Variants in UTP4 observed in about 807,000 individuals in gnomAD.
UTP4 encodes the protein U3 small nucleolar RNA-associated protein 4 homolog.
Under a neutral mutation model 82.4 loss-of-function variants are expected in UTP4, and 45 were observed. That is an observed-to-expected ratio of 0.55 (90% CI 0.43 to 0.70). The LOEUF (loss-of-function observed/expected upper bound fraction) is 0.70, where lower values mean the gene tolerates loss of function less well. Among genes scored for constraint, UTP4 ranks in the 30% least tolerant of loss-of-function variants. The pLI, the probability that UTP4 is intolerant of heterozygous loss-of-function variation, is 0.00. For synonymous variants in UTP4, 348 were observed against 300.3 expected, an observed-to-expected ratio of 1.16 and a Z score of -1.64; for missense variants, 819 against 858.3, an observed-to-expected ratio of 0.95 and a Z score of 0.57.
At chr16:69,162,766 G>A (rs1963597057) in intron 13 of UTP4, among the ~76,000 whole-genome samples, 1 of 151,286 alleles carries the variant, frequency 6.6e-6, no homozygotes, top group Non-Finnish European at 1.5e-5. Context: ...GTAGGCGCCT[G>A]TAATCCCAGC....
intron 5 of UTP4, among the ~76,000 whole-genome samples, chr16:69,141,005 AT>A (rs1290188635): frequency 6.6e-6 from 1 of 152,064 alleles, no homozygotes; most frequent in African/African-American, 2.4e-5. Flanking sequence ...CACATAGTAA[AT>A]TTTCTTTCTT....
chr16:69,159,195 G>C (rs1963502081), intron 12 of UTP4, among the ~76,000 whole-genome samples: 1 of 151,984 alleles, frequency 6.6e-6, no homozygotes, highest in African/African-American at 2.4e-5. Context: ...TCCTGCCTCA[G>C]CCTCCCTAGT....
At chr16:69,135,307 A>G (rs1597131642) in intron 2 of UTP4, among the ~76,000 whole-genome samples, 1 of 151,976 alleles carries the variant, frequency 6.6e-6, no homozygotes, top group East Asian at 1.9e-4. Context: ...TTTATTCTTC[A>G]ACAATTAATT....
Position 69,165,451 on chromosome 16 carries a change from C to G in UTP4, c.1758C>G (p.Ile586Met). The G allele has an allele frequency of 6.2e-7, 1 of 1,614,002 alleles. No individual in the cohort carries two copies. The highest frequency in any genetic ancestry group is 8.5e-7 in the Non-Finnish European group (1 of 1,179,906). ...WLQRDTPITH[I>M]SFHPKRPMHI... ...AAAGGGATACTCCTATCACACACAT[C>G]AGTTTTCATCCCAAGAGACCGATGC... The change falls in exon 15 of 17, where the codon ATC becomes ATG. Residue 586 changes from isoleucine to methionine, a missense_variant. Physicochemically the swap from Ile to Met is conservative, Grantham distance 10. Transcript: ENST00000314423.
At chr16:69,165,061 C>T (rs1036115798) in intron 14 of UTP4, among the ~76,000 whole-genome samples, 12 of 151,786 alleles carry the variant, frequency 7.9e-5, no homozygotes, top group African/African-American at 2.7e-4. Context: ...CGGGCGTACT[C>T]GTGGGCGCCT....
At chr16:69,145,858 A>G (rs1296461844) in intron 6 of UTP4, among the ~76,000 whole-genome samples, 1 of 152,142 alleles carries the variant, frequency 6.6e-6, no homozygotes, top group Non-Finnish European at 1.5e-5. Context: ...TCATGGCTTT[A>G]AACCCTTTGG....
chr16:69,143,575 A>G (rs1963027242), intron 6 of UTP4, among the ~76,000 whole-genome samples, 186 bp downstream of exon 6: 1 of 152,188 alleles, frequency 6.6e-6, no homozygotes, highest in South Asian at 2.1e-4. Context: ...TGGTTAGAGA[A>G]TACAGGATAC....
intron 5 of UTP4, among the ~76,000 whole-genome samples, chr16:69,140,329 G>A (rs914272752): frequency 6.6e-6 from 1 of 152,134 alleles, no homozygotes; most frequent in African/African-American, 2.4e-5. Context: ...TCTGTTCTTG[G>A]CCTGGAAAAT....
chr16:69,138,411 T>C (rs868768325), intron 4 of UTP4, among the ~76,000 whole-genome samples: 28 of 152,086 alleles, frequency 1.8e-4, no homozygotes, highest in Admixed American at 9.8e-4. Flanking sequence ...CTAATTTTCG[T>C]ATTTTTAGTA....
intron 3 of UTP4, 130 bp from the exon 4 acceptor site, chr16:69,137,671 C>CTTTTTTCTTA: frequency 3.0e-6 from 2 of 659,810 alleles, no homozygotes; most frequent in Admixed American, 2.7e-5. Flanking sequence ...TTTTCTTTTT[C>CTTTTTTCTTA]ACGGCAACTG....
chr16:69,160,124 A>C (rs1963525794), intron 12 of UTP4, among the ~76,000 whole-genome samples: 1 of 152,250 alleles, frequency 6.6e-6, no homozygotes, highest in African/African-American at 2.4e-5. Flanking sequence ...CTGAGGAAGT[A>C]ATAACTTCTG....
chr16:69,158,038 A>C (rs1963465937), intron 12 of UTP4, among the ~76,000 whole-genome samples: 1 of 151,478 alleles, frequency 6.6e-6, no homozygotes. Context: ...ACTTGGACTC[A>C]GTTTCCAGAT....
chr16:69,145,492 A>G (rs111839859), intron 6 of UTP4, among the ~76,000 whole-genome samples: 3 of 151,868 alleles, frequency 2.0e-5, no homozygotes, highest in African/African-American at 7.2e-5. Flanking sequence ...ACCTCAGGTG[A>G]TCCACCAGCC....
chr16:69,138,614 G>A (rs1962874519), intron 4 of UTP4, among the ~76,000 whole-genome samples: 1 of 152,166 alleles, frequency 6.6e-6, no homozygotes, highest in African/African-American at 2.4e-5. Context: ...CCCATCCTTG[G>A]GCTCCACCTG....
chr16:69,153,591 T>C lies in UTP4; in HGVS notation c.1010T>C (p.Leu337Pro). 1 of 1,612,318 alleles carries C rather than the reference T, an allele frequency of 6.2e-7. No individual in the cohort carries two copies. The highest frequency in any genetic ancestry group is 8.5e-7 in the Non-Finnish European group (1 of 1,178,814). ...LRKITFPHRCLISCSKKRQLL... is the reference protein window; with the variant it reads ...LRKITFPHRCPISCSKKRQLL... Reference sequence around the variant, plus strand: ...CTTGATTCTTGGATATAGCGATGTCTCATCTCCTGTTCTAAAAAGAGGCAG... The same window carrying C: ...CTTGATTCTTGGATATAGCGATGTCCCATCTCCTGTTCTAAAAAGAGGCAG... The change falls in exon 9 of 17, where the codon CTC (leucine) becomes CCC (proline). Residue 337 changes from leucine to proline, a missense_variant. Coordinates refer to ENST00000314423, the MANE Select transcript of UTP4 (RefSeq NM_032830.3).
chr16:69,164,588 ATATATATATATATATATATATATATATG>A (rs1428302315), intron 14 of UTP4, among the ~76,000 whole-genome samples: 3 of 55,638 alleles, frequency 5.4e-5, no homozygotes, highest in Non-Finnish European at 1.1e-4. Context: ...ATCATTCTTT[ATATATATATATATATATATATATATATG>A]TATATATATA....
chr16:69,135,855 G>A (rs1158810796), intron 2 of UTP4, among the ~76,000 whole-genome samples: 2 of 152,044 alleles, frequency 1.3e-5, no homozygotes, highest in Non-Finnish European at 2.9e-5. Flanking sequence ...GAGAAACCCC[G>A]TCTCTACTAA....
chr16:69,161,029 T>C (rs1963550527), intron 13 of UTP4, among the ~76,000 whole-genome samples: 1 of 152,176 alleles, frequency 6.6e-6, no homozygotes, highest in Non-Finnish European at 1.5e-5. Flanking sequence ...ACCTGGAAAT[T>C]TGAAATTAAT....
intron 2 of UTP4, among the ~76,000 whole-genome samples, chr16:69,134,462 G>A (rs565891786): frequency 1.5e-4 from 22 of 151,016 alleles, no homozygotes; most frequent in African/African-American, 4.1e-4. Flanking sequence ...ATGATAAACC[G>A]AAACACAGGC....
Sources: gnomAD v4.1 joint callset for allele counts (sites outside exome capture counted in the v4.1 genomes callset) on GRCh38, gnomAD v4.1.1 for gene constraint, MANE v1.5 for transcripts, NCBI Gene and HGNC (gene_info 2026-07-23, HGNC 2026-07-21) for gene names.